The following RBMX variants were observed in gnomAD, a reference collection of about 807,000 sequenced individuals.
RBMX encodes the protein RNA-binding motif protein, X chromosome.
A neutral mutation model predicts 29.3 loss-of-function variants in RBMX; 1 was observed. That is an observed-to-expected ratio of 0.03 (90% CI 0.01 to 0.16). The LOEUF (loss-of-function observed/expected upper bound fraction) is 0.16. Ranked by LOEUF, RBMX falls within the 10% of genes least tolerant of loss-of-function variation. The pLI, the probability that RBMX is intolerant of heterozygous loss-of-function variation, is 1.00. For missense variants in RBMX, 121 were observed against 333.2 expected, an observed-to-expected ratio of 0.36 and a Z score of 4.96; for synonymous variants, 102 against 102.3, an observed-to-expected ratio of 1.00 and a Z score of 0.02.
At chrX:136,870,970 C>T (rs1331591074), downstream of RBMX, among the ~76,000 whole-genome samples, 2 of 106,258 alleles carry the variant, frequency 1.9e-5, no homozygotes, top group Middle Eastern at 4.8e-3. Context: ...ATAATAATAA[C>T]CGACATAGTG....
chrX:136,876,679 A>T (rs1416064081), intron 4 of RBMX, 24 bp from the exon 5 acceptor site: 1 of 1,136,539 alleles, frequency 8.8e-7, no homozygotes, highest in East Asian at 3.1e-5. Context: ...AGAAAAGAAA[A>T]ATATTACTAC....
chrX:136,874,916 A>C, intron 8 of RBMX, 170 bp downstream of exon 8: 2 of 973,959 alleles, frequency 2.1e-6, no homozygotes, highest in Non-Finnish European at 2.7e-6. Flanking sequence ...GAAACTTAGA[A>C]AAACAAAAAA....
intron 6 of RBMX, 43 bp from the exon 7 acceptor site, chrX:136,875,426 C>T: frequency 1.7e-6 from 2 of 1,206,825 alleles, no homozygotes; most frequent in Non-Finnish European, 1.1e-6. Flanking sequence ...ATAAGCTTTC[C>T]TTCAACCTTA....
In RBMX at chrX:136,876,651, G is replaced by T. The variant is rs752772422; in HGVS notation, c.393C>A (p.Asp131Glu). ...TGTTAAAATTCATGGAATATCCACC[G>T]TCATCTGCATCAAAAATAGAAAAGA... ...GPPSRGGHMD[D>E]GGYSMNFNMS... Residue 131 changes from aspartate (D) to glutamate (E), a missense_variant, in exon 5 of 9, where the codon GAC (aspartate) becomes GAA (glutamate). By Grantham distance (45) the Asp-to-Glu change is conservative (BLOSUM62 2). Transcript: ENST00000320676. 3 of 1,169,853 alleles carry T rather than the reference G, an allele frequency of 2.6e-6. No individual in the cohort carries two copies. Among genetic ancestry groups the T allele is most frequent in the Non-Finnish European group, 2.3e-6 (2 of 876,963 alleles).
chrX:136,878,882 G>A (rs2077767987), intron 3 of RBMX, 135 bp downstream of exon 3: 1 of 752,300 alleles, frequency 1.3e-6, no homozygotes, highest in Non-Finnish European at 1.9e-6. Flanking sequence ...ATCACAAACA[G>A]GATGAGTGGA....
At chrX:136,880,414 G>A (rs1446799243) in intron 1 of RBMX, among the ~76,000 whole-genome samples, 183 bp downstream of exon 1, 1 of 112,335 alleles carries the variant, frequency 8.9e-6, no homozygotes, top group Non-Finnish European at 1.9e-5. Flanking sequence ...TTCTCGAGAA[G>A]CATACAACCA....
chrX:136,876,661 T>A lies in RBMX; in HGVS notation c.389-6A>T. 1.7e-6 allele frequency: 2 copies of A among 1,153,782 alleles called. No homozygotes were observed. The highest frequency in any genetic ancestry group is 2.0e-5 in the South Asian group (1 of 50,564). ...CATGGAATATCCACCGTCATCTGCATCAAAAATAGAAAAGAAAAATATTAC... is the reference window on the plus strand; with the variant it reads ...CATGGAATATCCACCGTCATCTGCAACAAAAATAGAAAAGAAAAATATTAC... On this transcript the variant is annotated splice_polypyrimidine_tract_variant and splice_region_variant and intron_variant, in intron 4 of 8. Transcript: ENST00000320676.
At chrX:136,878,291 A>T (rs1189153750) in intron 3 of RBMX, among the ~76,000 whole-genome samples, 1 of 111,022 alleles carries the variant, frequency 9.0e-6, no homozygotes, top group Non-Finnish European at 1.9e-5. Context: ...ACCGATACTG[A>T]TGATCTGGAT....
chrX:136,877,328 A>AACCCC (rs1556343940), intron 4 of RBMX, among the ~76,000 whole-genome samples: 4 of 25,326 alleles, frequency 1.6e-4, no homozygotes, highest in Admixed American at 1.4e-3. Flanking sequence ...GCTAAACTCT[A>AACCCC]CCCCCCCCCC....
chrX:136,874,960 TAAAGTTACCCCTTTA>T, intron 8 of RBMX, 111 bp downstream of exon 8: 1 of 1,077,534 alleles, frequency 9.3e-7, no homozygotes, highest in Non-Finnish European at 1.2e-6. Flanking sequence ...GCCCAGCTGA[TAAAGTTACCCCTTTA>T]AAAGCAAGCA....
chrX:136,877,452 C>CTTTT (rs551259279), intron 4 of RBMX, among the ~76,000 whole-genome samples: 2 of 85,874 alleles, frequency 2.3e-5, no homozygotes, highest in African/African-American at 8.6e-5. Context: ...TCTTAAAAAA[C>CTTTT]TTTTTTTTTT....
downstream of RBMX, chrX:136,869,811 A>T (rs2077674637): frequency 8.9e-6 from 1 of 112,276 alleles, no homozygotes; most frequent in African/African-American, 3.2e-5. Context: ...TATTGGCTCT[A>T]GTCTCCAAAC....
chrX:136,876,418 G>C, intron 5 of RBMX, 85 bp downstream of exon 5: 1 of 1,036,266 alleles, frequency 9.7e-7, no homozygotes, highest in Non-Finnish European at 1.3e-6. Context: ...CACCACGCCT[G>C]GCCAATTAAA....
rs367928302 is a variant in RBMX at position 136,877,499 on chromosome X, G to A, written c.388+416C>T. Reference sequence around the variant, plus strand: ...GGGAGTCTCGCTGTTCCCCCAGGCTGGAGTACAGTGGCACGATCTCAACTC... The same window carrying A: ...GGGAGTCTCGCTGTTCCCCCAGGCTAGAGTACAGTGGCACGATCTCAACTC... On this transcript the variant is annotated intron_variant, in intron 4 of 8. Coordinates refer to ENST00000320676, the MANE Select transcript of RBMX (RefSeq NM_002139.4). 1.3e-4 allele frequency among the ~76,000 whole-genome samples: 13 copies of A among 102,045 alleles called. No homozygotes were observed. The East Asian group carries it at 3.4e-3, about 27-fold the overall frequency. 88.6% of individuals were successfully genotyped at this position (102,045 alleles called of 115,157 possible).
Position 136,875,455 on chromosome X carries a change from T to C in RBMX, c.656+16A>G, listed in dbSNP as rs1438629959. On this transcript the variant is annotated intron_variant, in intron 6 of 8. Transcript: ENST00000320676. ...AACCTTAATTATTAATTTAAAAAGC[T>C]GCACTTTTCTATTACCTGTCTTTAG... 1 of 1,206,661 alleles carries C rather than the reference T, an allele frequency of 8.3e-7. No homozygotes were observed. Among genetic ancestry groups the C allele is most frequent in the African/African-American group, 1.8e-5 (1 of 56,959 alleles).
chrX:136,878,073 T>C lies in RBMX; in HGVS notation c.230A>G (p.Lys77Arg). The C allele has an allele frequency of 8.4e-7, 1 of 1,188,896 alleles. No homozygotes were observed. Among genetic ancestry groups the C allele is most frequent in the Non-Finnish European group, 1.1e-6 (1 of 883,842 alleles). The part of the protein sequence containing the change: ...RDMNGKSLDG[K>R]AIKVEQATKP... Reference sequence around the variant, plus strand: ...GGTGGCTTGTTCCACCTTGATGGCTTTTCCATCTAATGACTAAAAAAAAAG... The same window carrying C: ...GGTGGCTTGTTCCACCTTGATGGCTCTTCCATCTAATGACTAAAAAAAAAG... The change falls in exon 4 of 9, where the codon AAA (lysine) becomes AGA (arginine). Residue 77 changes from lysine (K) to arginine (R), a missense_variant. This residue lies in a region of RBMX where 7 missense variants were observed against 73.3 expected (regional missense o/e 0.10). Coordinates refer to ENST00000320676, the MANE Select transcript of RBMX (RefSeq NM_002139.4).
downstream of RBMX, chrX:136,873,401 GAC>G: frequency 2.8e-6 from 2 of 725,882 alleles, no homozygotes; most frequent in Non-Finnish European, 3.3e-6. Flanking sequence ...TTAAAAGTGA[GAC>G]ACTACAGAGT....
chrX:136,878,211 G>GA (rs1389918361), intron 3 of RBMX, 125 bp from the exon 4 acceptor site: 1 of 565,164 alleles, frequency 1.8e-6, no homozygotes, highest in Non-Finnish European at 2.6e-6. Context: ...ATTAGTCTAA[G>GA]AAAAAACACT....
intron 7 of RBMX, 36 bp downstream of exon 7, chrX:136,875,222 T>C (rs375183129): frequency 1.6e-5 from 19 of 1,209,363 alleles, no homozygotes; most frequent in Middle Eastern, 2.3e-4. Flanking sequence ...ATTGCAACTT[T>C]TCTTACATGT....
Sources: gnomAD v4.1 joint callset for allele counts (sites outside exome capture counted in the v4.1 genomes callset) on GRCh38, gnomAD v4.1.1 for gene constraint, gnomAD v4.1.1 regional missense constraint, MANE v1.5 for transcripts, NCBI Gene and HGNC (gene_info 2026-07-23, HGNC 2026-07-21) for gene names.